The following TRIP13 variants were observed in gnomAD, a reference collection of about 807,000 sequenced individuals.
TRIP13 encodes thyroid hormone receptor interactor 13.
Under a neutral mutation model 54.4 loss-of-function variants are expected in TRIP13, and 25 were observed. The observed-to-expected ratio is 0.46, with a 90% CI of 0.33 to 0.64. The LOEUF (loss-of-function observed/expected upper bound fraction) is 0.64, where lower values mean the gene tolerates loss of function less well. TRIP13 is among the 30% of genes least tolerant of loss of function. The pLI, the probability that TRIP13 is intolerant of heterozygous loss-of-function variation, is 0.02. For missense variants in TRIP13, 373 were observed against 534.2 expected, an observed-to-expected ratio of 0.70 and a Z score of 2.97; for synonymous variants, 207 against 207.8, an observed-to-expected ratio of 1.00 and a Z score of 0.03.
Position 915,623 on chromosome 5 carries a change from T to C in TRIP13, c.1134-281T>C, listed in dbSNP as rs952687371. Reference sequence around the variant, plus strand: ...CTGGCCCTGGGGCAGAGCACACAGGTGTGCCTTGGGTGTGCTTCAGAGCCG... The same window carrying C: ...CTGGCCCTGGGGCAGAGCACACAGGCGTGCCTTGGGTGTGCTTCAGAGCCG... On this transcript the variant is annotated intron_variant, in intron 11 of 12. Coordinates refer to ENST00000166345, the MANE Select transcript of TRIP13 (RefSeq NM_004237.4). This position sits in a 1 kb window ranked among gnomAD's most constrained non-coding sequence, Gnocchi z 4.2. Among the ~76,000 whole-genome samples the C allele has an allele frequency of 1.3e-5, 2 of 152,052 alleles. No individual in the cohort carries two copies. Among genetic ancestry groups the C allele is most frequent in the East Asian group, 3.9e-4 (2 of 5,170 alleles).
rs541515510 is a variant in TRIP13 at position 915,190 on chromosome 5, C to T, written c.1133+613C>T. ...AGTATTTTTTAAGGATTTGGATTAT[C>T]TGTTGAAGAGATTTAAATCAGTTAA... is the stretch of plus-strand genomic sequence containing the variant. On this transcript the variant is annotated intron_variant, in intron 11 of 12. Transcript: ENST00000166345. This position sits in a 1 kb window ranked among gnomAD's most constrained non-coding sequence, Gnocchi z 4.2. 3.2e-4 allele frequency among the ~76,000 whole-genome samples: 49 copies of T among 152,350 alleles called. No individual in the cohort carries two copies. The highest frequency in any genetic ancestry group is 1.2e-3 in the African/African-American group (48 of 41,576).
chr5:893,337 T>C (rs116511572), intron 1 of TRIP13, among the ~76,000 whole-genome samples: 1 of 151,510 alleles, frequency 6.6e-6, no homozygotes, highest in African/African-American at 2.4e-5. Flanking sequence ...AGCTCACAGA[T>C]TGAGCCCCGA....
In TRIP13 at chr5:915,133, A is replaced by G. The variant is rs576896993; in HGVS notation, c.1133+556A>G. On this transcript the variant is annotated intron_variant, in intron 11 of 12. Transcript: ENST00000166345. The surrounding 1 kb of genome is among the most constrained non-coding windows in gnomAD (Gnocchi z 4.2). ...ATTTTGAAGTTGGCAAGAATGTGGAAGGCTTTAAACAAGGGATAACATGAA... is the reference window on the plus strand; with the variant it reads ...ATTTTGAAGTTGGCAAGAATGTGGAGGGCTTTAAACAAGGGATAACATGAA... 1.6e-4 allele frequency among the ~76,000 whole-genome samples: 25 copies of G among 152,358 alleles called. No individual in the cohort carries two copies. The highest frequency in any genetic ancestry group is 6.0e-4 in the African/African-American group (25 of 41,574).
Position 917,236 on chromosome 5 carries a change from A to G in TRIP13, c.*133A>G, listed in dbSNP as rs139489763. On this transcript the variant is annotated 3_prime_UTR_variant, in exon 13 of 13. Coordinates refer to ENST00000166345, the MANE Select transcript of TRIP13 (RefSeq NM_004237.4). Reference sequence around the variant, plus strand: ...TACTTAGACTGCAAGCTAGAAAGCCACCAAGGCCAGGCTTTGTTAAAAGAA... The same window carrying G: ...TACTTAGACTGCAAGCTAGAAAGCCGCCAAGGCCAGGCTTTGTTAAAAGAA... 2.7e-6 allele frequency: 2 copies of G among 747,878 alleles called. No homozygotes were observed. The highest frequency in any genetic ancestry group is 1.9e-5 in the South Asian group (1 of 52,840). The allele number at this position is 747,878 out of a possible 1,614,324, so 46.3% of individuals were successfully genotyped here.
Position 913,287 on chromosome 5 carries a change from G to A in TRIP13, c.1021-1178G>A, listed in dbSNP as rs1754278874. On this transcript the variant is annotated intron_variant, in intron 10 of 12. Transcript: ENST00000166345. The surrounding 1 kb of genome is among the most constrained non-coding windows in gnomAD (Gnocchi z 4.5). ...CTTGTACACTCGTGCTGTGAATCCA[G>A]GGGCTGTTTAAAGTGTTAGCTAAGA... Among the ~76,000 whole-genome samples the A allele has an allele frequency of 6.6e-6, 1 of 152,202 alleles. No homozygotes were observed. The highest frequency in any genetic ancestry group is 2.4e-5 in the African/African-American group (1 of 41,446).
rs763296839 is a variant in TRIP13 at position 912,041 on chromosome 5, T to A, written c.1020+45T>A. The A allele has an allele frequency of 1.3e-6, 2 of 1,585,544 alleles. No homozygotes were observed. Among genetic ancestry groups the A allele is most frequent in the South Asian group, 1.2e-5 (1 of 86,904 alleles). ...CCTCTTGATACAAATGGATTTCTTATATGTTCTTAATTAATTAAGATAGCT... is the reference window on the plus strand; with the variant it reads ...CCTCTTGATACAAATGGATTTCTTAAATGTTCTTAATTAATTAAGATAGCT... On this transcript the variant is annotated intron_variant, in intron 10 of 12. Transcript: ENST00000166345. The surrounding 1 kb of genome is among the most constrained non-coding windows in gnomAD (Gnocchi z 7.2).
rs1167489190 is a variant in TRIP13, at chr5:907,453, T to C, written c.672+260T>C. Among the ~76,000 whole-genome samples, 3 of 152,214 alleles carry C rather than the reference T, an allele frequency of 2.0e-5. No individual in the cohort carries two copies. The highest frequency in any genetic ancestry group is 2.9e-5 in the Non-Finnish European group (2 of 68,034). On this transcript the variant is annotated intron_variant, in intron 7 of 12. Transcript: ENST00000166345. The surrounding 1 kb of genome is among the most constrained non-coding windows in gnomAD (Gnocchi z 4.1). ...AGGGCAGGGCTGGCACTCAGGGGAC[T>C]GCAGCCCTGCCATGCATGTCCTTGG... is the stretch of plus-strand genomic sequence containing the variant.
rs756912938 is a variant in TRIP13 at position 914,455 on chromosome 5, G to T, written c.1021-10G>T. ...GACTCAGCTAACCGCCTGTACTTCT[G>T]TCTCCCCAGTGTCAGATCATATACC... On this transcript the variant is annotated splice_polypyrimidine_tract_variant and intron_variant, in intron 10 of 12. Coordinates refer to ENST00000166345, the MANE Select transcript of TRIP13 (RefSeq NM_004237.4). 1.9e-6 allele frequency: 3 copies of T among 1,608,276 alleles called. No individual in the cohort carries two copies. Among genetic ancestry groups the T allele is most frequent in the South Asian group, 2.2e-5 (2 of 90,936 alleles).
chr5:908,641 A>T lies in TRIP13; in HGVS notation c.866+180A>T, dbSNP rs1396103395. 87 of 1,432,758 alleles carry T rather than the reference A, an allele frequency of 6.1e-5. No individual in the cohort carries two copies. Among genetic ancestry groups the T allele is most frequent in the Non-Finnish European group, 7.8e-5 (85 of 1,093,074 alleles). 88.8% of individuals were successfully genotyped at this position (1,432,758 alleles called of 1,614,324 possible). A position where few individuals can be genotyped will look rare whatever the true frequency, so the allele number is the denominator to read the frequency against. ...GCAGCATATCACAAATGCTTTTTAA[A>T]GAAATTGTTTTTAGTGTGTTAAAAA... On this transcript the variant is annotated intron_variant, in intron 9 of 12. Coordinates refer to ENST00000166345, the MANE Select transcript of TRIP13 (RefSeq NM_004237.4). The surrounding 1 kb of genome is among the most constrained non-coding windows in gnomAD (Gnocchi z 5.2).
chr5:902,700 A>G (rs962420912), intron 5 of TRIP13, among the ~76,000 whole-genome samples: 6 of 152,206 alleles, frequency 3.9e-5, no homozygotes, highest in East Asian at 1.9e-4. Flanking sequence ...CTGGGGGACC[A>G]CTACCACCAA....
rs1180593612 is a variant in TRIP13 at position 908,479 on chromosome 5, C to T, written c.866+18C>T. On this transcript the variant is annotated intron_variant, in intron 9 of 12. Transcript: ENST00000166345. This position sits in a 1 kb window ranked among gnomAD's most constrained non-coding sequence, Gnocchi z 5.2. ...ATTAAAAGGTAACCAGGACATGCAG[C>T]AATTTTCCCTGAGAAGTGATGAGAA... 1 of 1,612,964 alleles carries T rather than the reference C, an allele frequency of 6.2e-7. No homozygotes were observed. The highest frequency in any genetic ancestry group is 1.1e-5 in the South Asian group (1 of 91,078).
chr5:907,282 A>G lies in TRIP13; in HGVS notation c.672+89A>G. On this transcript the variant is annotated intron_variant, in intron 7 of 12. Coordinates refer to ENST00000166345, the MANE Select transcript of TRIP13 (RefSeq NM_004237.4). The surrounding 1 kb of genome is among the most constrained non-coding windows in gnomAD (Gnocchi z 4.1). Reference sequence around the variant, plus strand: ...AGGCAAATCCTCCTCCAGAAGCTTCAGGAGAGAACTGGGTGGGAAGGGTGT... The same window carrying G: ...AGGCAAATCCTCCTCCAGAAGCTTCGGGAGAGAACTGGGTGGGAAGGGTGT... 5.1e-6 allele frequency: 6 copies of G among 1,169,358 alleles called. No homozygotes were observed. The highest frequency in any genetic ancestry group is 2.6e-5 in the South Asian group (2 of 77,540). 72.4% of individuals were successfully genotyped at this position (1,169,358 alleles called of 1,614,324 possible). A position where few individuals can be genotyped will look rare whatever the true frequency, so the allele number is the denominator to read the frequency against.
At chr5:916,017 G>A in intron 12 of TRIP13, 44 bp downstream of exon 12, 1 of 1,592,512 alleles carries the variant, frequency 6.3e-7, no homozygotes, top group Non-Finnish European at 8.6e-7. Context: ...CTGTCCACAG[G>A]TCTCAGCCTC....
downstream of TRIP13, among the ~76,000 whole-genome samples, chr5:918,688 C>T (rs992999295): frequency 1.1e-4 from 16 of 152,090 alleles, no homozygotes; most frequent in African/African-American, 3.1e-4. This position sits in a 1 kb window ranked among gnomAD's most constrained non-coding sequence, Gnocchi z 4.3. Context: ...AGTAGGCCAT[C>T]GCAAGCTTCA....
chr5:904,365 T>G, intron 6 of TRIP13, 145 bp downstream of exon 6: 1 of 663,408 alleles, frequency 1.5e-6, no homozygotes, highest in South Asian at 2.2e-5. Flanking sequence ...TTCAGCATAG[T>G]TTTGAGTTAT....
chr5:918,895 TGCCTTTACCA>T (rs1461929141), downstream of TRIP13: 1 of 152,228 alleles, frequency 6.6e-6, no homozygotes, highest in Non-Finnish European at 1.5e-5. The surrounding 1 kb of genome is among the most constrained non-coding windows in gnomAD (Gnocchi z 4.3). Context: ...AGGGTGGGTC[TGCCTTTACCA>T]GCCCAGTGAC....
intron 1 of TRIP13, 22 bp from the exon 2 acceptor site, chr5:894,765 G>A: frequency 6.3e-7 from 1 of 1,581,344 alleles, no homozygotes; most frequent in Non-Finnish European, 8.6e-7. Context: ...TCATTTATGT[G>A]TGTTTTGGCT....
chr5:907,901 TG>T lies in TRIP13; in HGVS notation c.673-83del. 2 of 1,372,102 alleles carry T rather than the reference TG, an allele frequency of 1.5e-6. No individual in the cohort carries two copies. Among genetic ancestry groups the T allele is most frequent in the South Asian group, 1.2e-5 (1 of 84,770 alleles). The allele number at this position is 1,372,102 out of a possible 1,614,324, so 85.0% of individuals were successfully genotyped here. A position where few individuals can be genotyped will look rare whatever the true frequency, so the allele number is the denominator to read the frequency against. On this transcript the variant is annotated intron_variant, in intron 7 of 12. Coordinates refer to ENST00000166345, the MANE Select transcript of TRIP13 (RefSeq NM_004237.4). This position sits in a 1 kb window ranked among gnomAD's most constrained non-coding sequence, Gnocchi z 4.1. ...GAGACAGTGGGCTTGTGGGGACAAC[TG>T]GGGCAGCAGGCCACATCAGGGTCCC... is the stretch of plus-strand genomic sequence containing the variant.
At chr5:893,914 C>T (rs1300893863) in intron 1 of TRIP13, among the ~76,000 whole-genome samples, 1 of 152,148 alleles carries the variant, frequency 6.6e-6, no homozygotes, top group Non-Finnish European at 1.5e-5. Context: ...TCAGAGACAC[C>T]TGTACACAGT....
Sources: gnomAD v4.1 joint callset for allele counts (sites outside exome capture counted in the v4.1 genomes callset) on GRCh38, gnomAD v4.1.1 for gene constraint, Gnocchi (gnomAD v3.1) non-coding constraint, MANE v1.5 for transcripts, NCBI Gene and HGNC (gene_info 2026-07-23, HGNC 2026-07-21) for gene names.